Variants in LTBP4 observed in about 807,000 individuals in gnomAD.
LTBP4 encodes the protein latent-transforming growth factor beta-binding protein 4.
LTBP4 carries 93 observed loss-of-function variants against 180.2 expected under a neutral mutation model. That is an observed-to-expected ratio of 0.52 (90% CI 0.44 to 0.61). The LOEUF (loss-of-function observed/expected upper bound fraction) is 0.61, where lower values mean the gene tolerates loss of function less well. Ranked by LOEUF, LTBP4 falls within the 20% of genes least tolerant of loss-of-function variation. LTBP4 has a pLI of 0.00. For missense variants in LTBP4, 2,116 were observed against 2,256.5 expected (o/e 0.94, Z 1.26); for synonymous variants, 947 against 934.5 (o/e 1.01, Z -0.24).
intron 7 of LTBP4, among the ~76,000 whole-genome samples, chr19:40,607,857 T>C (rs2081474767): frequency 6.6e-6 from 1 of 152,202 alleles, no homozygotes; most frequent in South Asian, 2.1e-4. Context: ...GCCTTCAGCT[T>C]AGCCCCACCC....
At position 40,613,671 on chromosome 19, in the gene LTBP4, C is replaced by T. The variant is rs1599868682; in HGVS notation, c.2557+142C>T. ...GGATCAGGGGGCAGCTGGTGGGAGT[C>T]TCGAGGCAGTGAGGGGGGGCGGGGC... On this transcript the variant is annotated intron_variant, in intron 17 of 29. Transcript: ENST00000396819. This position sits in a 1 kb window ranked among gnomAD's most constrained non-coding sequence, Gnocchi z 5.0. 7.3e-7 allele frequency: 1 copy of T among 1,374,796 alleles called. No homozygotes were observed. The highest frequency in any genetic ancestry group is 1.0e-6 in the Non-Finnish European group (1 of 1,004,096). The allele number at this position is 1,374,796 out of a possible 1,614,324, so 85.2% of individuals were successfully genotyped here. A position where few individuals can be genotyped will look rare whatever the true frequency, so the allele number is the denominator to read the frequency against.
At position 40,623,601 on chromosome 19, in the gene LTBP4, C is replaced by T. The variant is rs560034866; in HGVS notation, c.3557-3C>T. 1 of 1,611,794 alleles carries T rather than the reference C, an allele frequency of 6.2e-7. No homozygotes were observed. The highest frequency in any genetic ancestry group is 1.1e-5 in the South Asian group (1 of 91,008). ...CCCATCTCTCTCTCTGCTTTTCGCA[C>T]AGACGTGGACGAATGTCAGCTCTTC... On this transcript the variant is annotated splice_region_variant and splice_polypyrimidine_tract_variant and intron_variant, in intron 24 of 29. Coordinates refer to ENST00000396819, the MANE Select transcript of LTBP4 (RefSeq NM_001042545.2).
chr19:40,611,861 G>T lies in LTBP4; in HGVS notation c.2056G>T (p.Val686Leu), dbSNP rs373945126. ...SRGPGAPCQD[V>L]DECARSPPPC... ...CTCATTGGTCCCCTCTGCCCCAGAT[G>T]TGGATGAGTGTGCCCGAAGCCCCCC... The change falls in exon 14 of 30, where the codon GTG (valine) becomes TTG (leucine). Residue 686 changes from valine to leucine, a missense_variant and splice_region_variant. Physicochemically the swap from Val to Leu is conservative, Grantham distance 32 (BLOSUM62 1). This residue lies in a region of LTBP4 where 877 missense variants were observed against 873.6 expected (regional missense o/e 1.00). Transcript: ENST00000396819. This position sits in a 1 kb window ranked among gnomAD's most constrained non-coding sequence, Gnocchi z 4.4. 91 of 1,607,764 alleles carry T rather than the reference G, an allele frequency of 5.7e-5. 1 individual carries two copies. The highest frequency in any genetic ancestry group is 7.4e-5 in the Non-Finnish European group (87 of 1,177,278).
At position 40,626,982 on chromosome 19, in the gene LTBP4, C is replaced by T. The variant is rs371215141; in HGVS notation, c.3993C>T (p.Phe1331=). The change falls in exon 28 of 30, where the codon TTC becomes TTT. Residue 1331 remains phenylalanine (F), a synonymous_variant. Transcript: ENST00000396819. The part of the protein sequence containing the change: ...ALCPAQDSDD[F]EALCNVLRPP... Reference sequence around the variant, plus strand: ...CTTGGCTCCTGTTCCCAGATGACTTCGAGGCCCTGTGCAATGTGCTACGCC... The same window carrying T: ...CTTGGCTCCTGTTCCCAGATGACTTTGAGGCCCTGTGCAATGTGCTACGCC... The T allele has an allele frequency of 5.1e-5, 80 of 1,553,600 alleles. No individual in the cohort carries two copies. In the Admixed American group the frequency reaches 5.2e-4, roughly 10 times the overall value.
chr19:40,624,496 C>T (rs2081610590), intron 26 of LTBP4, among the ~76,000 whole-genome samples: 1 of 152,198 alleles, frequency 6.6e-6, no homozygotes, highest in Non-Finnish European at 1.5e-5. Context: ...GGGGTTCAAA[C>T]GATTCTCCTG....
rs71173663 is a variant in LTBP4, at chr19:40,625,252, TTATATATATATATATATATA to T, written c.3833-559_3833-540del. Reference sequence around the variant, plus strand: ...CACCAAGCCTGGCTAATTTTTGTATTTATATATATATATATATATATATATATATATATATATATATATAT... The same window carrying T: ...CACCAAGCCTGGCTAATTTTTGTATTTATATATATATATATATATATATAT... On this transcript the variant is annotated intron_variant, in intron 26 of 29. Transcript: ENST00000396819. Among the ~76,000 whole-genome samples the T allele has an allele frequency of 7.9e-4, 35 of 44,028 alleles. 1 individual carries two copies. Among genetic ancestry groups the T allele is most frequent in the Non-Finnish European group, 1.2e-3 (29 of 23,760 alleles). 28.9% of individuals were successfully genotyped at this position (44,028 alleles called of 152,430 possible).
chr19:40,598,224 C>T (rs907351155), upstream of LTBP4, among the ~76,000 whole-genome samples: 1 of 150,134 alleles, frequency 6.7e-6, no homozygotes, highest in South Asian at 2.2e-4. Flanking sequence ...GCGGCGGGGG[C>T]GGGGCCGGGA....
In LTBP4 at chr19:40,606,336, T is replaced by C. The variant is rs528046458; in HGVS notation, c.868+29T>C. On this transcript the variant is annotated intron_variant, in intron 5 of 29. Coordinates refer to ENST00000396819, the MANE Select transcript of LTBP4 (RefSeq NM_001042545.2). ...CAACGGGGCAGGGGTGGGAGGGGCT[T>C]GGTTCTGGGGGCGGGATTTGCAGGG... 7.5e-6 allele frequency: 12 copies of C among 1,600,854 alleles called. No homozygotes were observed. In the South Asian group the frequency reaches 1.4e-4, roughly 18 times the overall value.
intron 11 of LTBP4, chr19:40,610,082 A>G: frequency 1.6e-6 from 1 of 611,106 alleles, no homozygotes. Flanking sequence ...CCAAACTGCC[A>G]GTTTCTATCG....
At chr19:40,614,090 G>T (rs2081529415) in intron 18 of LTBP4, 52 bp downstream of exon 18, 1 of 1,599,124 alleles carries the variant, frequency 6.3e-7, no homozygotes, top group South Asian at 1.1e-5. Context: ...TCCCCGACTC[G>T]CCGATTGGCC....
In LTBP4 at chr19:40,609,780, T is replaced by C; in HGVS notation, c.1593T>C (p.Cys531=). ...AATGTCGCCGCGTGCCCCCGCCCTG[T>C]GCTCCCGGGCGCTGCGAGAACTCAC... is the stretch of plus-strand genomic sequence containing the variant. ...VDECRRVPPP[C]APGRCENSPG... is the part of the protein sequence containing the mutation. Residue 531 remains cysteine (C), a synonymous_variant, in exon 11 of 30, where the codon TGT becomes TGC. Transcript: ENST00000396819. The surrounding 1 kb of genome is among the most constrained non-coding windows in gnomAD (Gnocchi z 4.9). 6.2e-7 allele frequency: 1 copy of C among 1,611,792 alleles called. No homozygotes were observed. Among genetic ancestry groups the C allele is most frequent in the Non-Finnish European group, 8.5e-7 (1 of 1,178,916 alleles).
At chr19:40,623,046 C>T in intron 24 of LTBP4, 25 bp downstream of exon 24, 1 of 1,574,404 alleles carries the variant, frequency 6.4e-7, no homozygotes. Context: ...TGACCCTCCA[C>T]CCCACTCAGC....
At position 40,622,597 on chromosome 19, in the gene LTBP4, G is replaced by T; in HGVS notation, c.3414G>T (p.Glu1138Asp). 1 of 1,613,596 alleles carries T rather than the reference G, an allele frequency of 6.2e-7. No homozygotes were observed. Among genetic ancestry groups the T allele is most frequent in the Non-Finnish European group, 8.5e-7 (1 of 1,179,824 alleles). ...NILARNVTWQ[E>D]CCCTVGEGWG... is the part of the protein sequence containing the mutation. ...TGGCTCGGAATGTGACATGGCAGGAGTGCTGCTGTACTGTGGGTGAGGGCT... is the reference window on the plus strand; with the variant it reads ...TGGCTCGGAATGTGACATGGCAGGATTGCTGCTGTACTGTGGGTGAGGGCT... Residue 1138 changes from glutamate to aspartate, a missense_variant, in exon 23 of 30, where the codon GAG becomes GAT. This residue lies in a region of LTBP4 where 278 missense variants were observed against 373.0 expected (regional missense o/e 0.75). Coordinates refer to ENST00000396819, the MANE Select transcript of LTBP4 (RefSeq NM_001042545.2). The surrounding 1 kb of genome is among the most constrained non-coding windows in gnomAD (Gnocchi z 5.1).
chr19:40,625,888 G>C lies in LTBP4; in HGVS notation c.3864G>C (p.Val1288=). 1 of 1,597,394 alleles carries C rather than the reference G, an allele frequency of 6.3e-7. No individual in the cohort carries two copies. The highest frequency in any genetic ancestry group is 1.1e-5 in the South Asian group (1 of 87,724). The change falls in exon 27 of 30, where the codon GTG becomes GTC. Residue 1288 remains valine, a synonymous_variant. Transcript: ENST00000396819. ...DDNLGVCWQE[V]GADLVCSHPR... ...ATCTGGGAGTGTGCTGGCAGGAAGTGGGGGCTGACCTCGTGTGCAGCCACC... is the reference window on the plus strand; with the variant it reads ...ATCTGGGAGTGTGCTGGCAGGAAGTCGGGGCTGACCTCGTGTGCAGCCACC...
rs564267463 is a variant in LTBP4, at chr19:40,608,357, C to T, written c.1294C>T (p.Arg432Trp). The change falls in exon 8 of 30, where the codon CGG (arginine) becomes TGG (tryptophan). Residue 432 changes from arginine to tryptophan, a missense_variant. By Grantham distance (101) the Arg-to-Trp change is moderately radical. Around this residue, in one of 5 missense-constraint regions of LTBP4, gnomAD observed 877 missense variants for 873.6 expected, o/e 1.00. Transcript: ENST00000396819. ...SQPRTLPATS[R>W]PSAGFLPTHR... ...GCCTCGTACCCTGCCAGCCACCTCT[C>T]GGCCATCTGCAGGTGAGCTGGCTCT... 21 of 1,612,888 alleles carry T rather than the reference C, an allele frequency of 1.3e-5. No individual in the cohort carries two copies. Among genetic ancestry groups the T allele is most frequent in the Middle Eastern group, 3.3e-4 (2 of 6,062 alleles).
In LTBP4 at chr19:40,625,316, A is replaced by ATATATATATATATATATATT. The variant is rs1568414647; in HGVS notation, c.3833-540_3833-539insATATATATATATATATATTT. ...TATATATATATATATATATATATAT[A>ATATATATATATATATATATT]TTTTTTTTTTTAAAGATGGGTTTTT... On this transcript the variant is annotated intron_variant, in intron 26 of 29. Transcript: ENST00000396819. Among the ~76,000 whole-genome samples the ATATATATATATATATATATT allele has an allele frequency of 3.2e-4, 7 of 21,928 alleles. 1 individual carries two copies. Among genetic ancestry groups the ATATATATATATATATATATT allele is most frequent in the African/African-American group, 4.8e-4 (2 of 4,204 alleles). 14.4% of individuals were successfully genotyped at this position (21,928 alleles called of 152,430 possible). A position where few individuals can be genotyped will look rare whatever the true frequency, so the allele number is the denominator to read the frequency against.
chr19:40,598,009 G>A (rs2081400147), upstream of LTBP4, among the ~76,000 whole-genome samples: 1 of 152,136 alleles, frequency 6.6e-6, no homozygotes, highest in Non-Finnish European at 1.5e-5. Context: ...TGAGGCTCCA[G>A]TGATTTCACC....
Position 40,629,604 on chromosome 19 carries a change from C to T in LTBP4, c.*54C>T, listed in dbSNP as rs1238660118. ...CGCCCGCCACTCGGGGCCCCTGCCGCGCATCCTGCAGCCCGCTTATGCGTA... is the reference window on the plus strand; with the variant it reads ...CGCCCGCCACTCGGGGCCCCTGCCGTGCATCCTGCAGCCCGCTTATGCGTA... On this transcript the variant is annotated 3_prime_UTR_variant, in exon 30 of 30. Transcript: ENST00000396819. This position sits in a 1 kb window ranked among gnomAD's most constrained non-coding sequence, Gnocchi z 4.5. 6.0e-6 allele frequency: 8 copies of T among 1,326,978 alleles called. No homozygotes were observed. In the East Asian group the frequency reaches 2.3e-4, roughly 38 times the overall value. The allele number at this position is 1,326,978 out of a possible 1,614,324, so 82.2% of individuals were successfully genotyped here. A position where few individuals can be genotyped will look rare whatever the true frequency, so the allele number is the denominator to read the frequency against.
rs2081659016 is a variant in LTBP4, at chr19:40,629,225, A to G, written c.4520-171A>G. 4 of 705,858 alleles carry G rather than the reference A, an allele frequency of 5.7e-6. No individual in the cohort carries two copies. In the South Asian group the frequency reaches 6.9e-5, roughly 12 times the overall value. 43.7% of individuals were successfully genotyped at this position (705,858 alleles called of 1,614,324 possible). A position where few individuals can be genotyped will look rare whatever the true frequency, so the allele number is the denominator to read the frequency against. ...CTTACAGAACACGAAACTGAAGCAC[A>G]GTGAGGTTAAGCCACCTGGCCGGGC... On this transcript the variant is annotated intron_variant, in intron 29 of 29. Coordinates refer to ENST00000396819, the MANE Select transcript of LTBP4 (RefSeq NM_001042545.2). This position sits in a 1 kb window ranked among gnomAD's most constrained non-coding sequence, Gnocchi z 4.5.
Sources: gnomAD v4.1 joint callset for allele counts (sites outside exome capture counted in the v4.1 genomes callset) on GRCh38, gnomAD v4.1.1 for gene constraint, gnomAD v4.1.1 regional missense constraint, Gnocchi (gnomAD v3.1) non-coding constraint, MANE v1.5 for transcripts, NCBI Gene and HGNC (gene_info 2026-07-23, HGNC 2026-07-21) for gene names.